TNRC18: variants seen among roughly 807,000 people sequenced by gnomAD.
TNRC18 encodes trinucleotide repeat containing 18.
A neutral mutation model predicts 226.7 loss-of-function variants in TNRC18; 69 were observed. The observed-to-expected ratio is 0.30, with a 90% CI of 0.25 to 0.37. TNRC18 has a LOEUF of 0.37. Ranked by LOEUF, TNRC18 falls within the 10% of genes least tolerant of loss-of-function variation. The probability of loss-of-function intolerance (pLI) is 1.00; values close to 1 mark genes in which losing one functional copy is unlikely to be tolerated. For missense variants in TNRC18, 4,754 were observed against 4,256.6 expected, an observed-to-expected ratio of 1.12 and a Z score of -3.25; for synonymous variants, 2,449 against 1,927.6, an observed-to-expected ratio of 1.27 and a Z score of -7.09.
Position 5,307,967 on chromosome 7 carries a change from C to A in TNRC18, c.*139G>T. 1 of 746,952 alleles carries A rather than the reference C, an allele frequency of 1.3e-6. No individual in the cohort carries two copies. Among genetic ancestry groups the A allele is most frequent in the Non-Finnish European group, 2.2e-6 (1 of 461,890 alleles). The allele number at this position is 746,952 out of a possible 1,614,324, so 46.3% of individuals were successfully genotyped here. On this transcript the variant is annotated 3_prime_UTR_variant, in exon 30 of 30. Coordinates refer to ENST00000430969, the MANE Select transcript of TNRC18 (RefSeq NM_001080495.3). ...GCACACACACTCACCCGGGCATCCA[C>A]GTGCACACCTGGCCCCATGCACACG... is the stretch of plus-strand genomic sequence containing the variant.
chr7:5,356,794 C>T, intron 16 of TNRC18, 122 bp downstream of exon 16: 1 of 1,366,534 alleles, frequency 7.3e-7, no homozygotes, highest in African/African-American at 1.5e-5. Context: ...TAGTGCGCCC[C>T]AGAGAGAGAG....
rs1433862194 is a variant in TNRC18, at chr7:5,309,489, G to A, written c.8389-121C>T. 4.3e-5 allele frequency: 34 copies of A among 791,222 alleles called. No individual in the cohort carries two copies. The highest frequency in any genetic ancestry group is 7.0e-5 in the African/African-American group (4 of 57,226). The allele number at this position is 791,222 out of a possible 1,614,324, so 49.0% of individuals were successfully genotyped here. On this transcript the variant is annotated intron_variant, in intron 27 of 29. Coordinates refer to ENST00000430969, the MANE Select transcript of TNRC18 (RefSeq NM_001080495.3). The surrounding 1 kb of genome is among the most constrained non-coding windows in gnomAD (Gnocchi z 5.7). ...CCTCTAAATCAACCCCTATCCAACTGTGGGGAGATGAGGAAGCTCCTTGTC... is the reference window on the plus strand; with the variant it reads ...CCTCTAAATCAACCCCTATCCAACTATGGGGAGATGAGGAAGCTCCTTGTC...
intron 21 of TNRC18, among the ~76,000 whole-genome samples, chr7:5,321,970 CTCTT>C (rs1348178848): frequency 6.6e-6 from 1 of 151,888 alleles, no homozygotes; most frequent in Non-Finnish European, 1.5e-5. Context: ...CGTGCCCGGC[CTCTT>C]TCTTTTTTTT....
rs1262954046 is a variant in TNRC18 at position 5,307,571 on chromosome 7, G to T, written c.*535C>A. 6.7e-6 allele frequency: 3 copies of T among 449,754 alleles called. No individual in the cohort carries two copies. The East Asian group carries it at 2.1e-4, about 32-fold the overall frequency. 27.9% of individuals were successfully genotyped at this position (449,754 alleles called of 1,614,324 possible). On this transcript the variant is annotated 3_prime_UTR_variant, in exon 30 of 30. Transcript: ENST00000430969. ...TCCCCAAGTCTAGGCCATCCTGAGA[G>T]GGTGGGGGCAGGGCCCCTGGCACAG...
chr7:5,344,872 G>A (rs957264221), intron 18 of TNRC18, among the ~76,000 whole-genome samples: 6 of 152,186 alleles, frequency 3.9e-5, no homozygotes, highest in Non-Finnish European at 7.3e-5. Flanking sequence ...GGGCCCTGAT[G>A]CAGGGAAACA....
Position 5,387,869 on chromosome 7 carries a change from T to G in TNRC18, c.1955A>C (p.Lys652Thr). The G allele has an allele frequency of 6.3e-7, 1 of 1,597,064 alleles. No homozygotes were observed. Among genetic ancestry groups the G allele is most frequent in the Non-Finnish European group, 8.5e-7 (1 of 1,174,496 alleles). The change falls in exon 5 of 30, where the codon AAG becomes ACG. Residue 652 changes from lysine (K) to threonine (T), a missense_variant. Transcript: ENST00000430969. Reference sequence around the variant, plus strand: ...GCTCTCGGGCCTCTCGGGGTCCCGCTTCAGCTGCCGGCCGCCGCCCGCTGC... The same window carrying G: ...GCTCTCGGGCCTCTCGGGGTCCCGCGTCAGCTGCCGGCCGCCGCCCGCTGC... ...GPAAGGGRQL[K>T]RDPERPESAK...
In TNRC18 at chr7:5,313,913, A is replaced by G. The variant is rs368956790; in HGVS notation, c.7028-50T>C. 6.3e-6 allele frequency: 9 copies of G among 1,417,968 alleles called. No homozygotes were observed. In the South Asian group the frequency reaches 1.1e-4, roughly 17 times the overall value. The allele number at this position is 1,417,968 out of a possible 1,614,324, so 87.8% of individuals were successfully genotyped here. A position where few individuals can be genotyped will look rare whatever the true frequency, so the allele number is the denominator to read the frequency against. On this transcript the variant is annotated intron_variant, in intron 26 of 29. Transcript: ENST00000430969. Reference sequence around the variant, plus strand: ...CTGGGGCGGGGGCTTCCTGGCAGAGATGAGCTGTGGCTTTTATCAGAAAGG... The same window carrying G: ...CTGGGGCGGGGGCTTCCTGGCAGAGGTGAGCTGTGGCTTTTATCAGAAAGG...
At chr7:5,362,597 C>G in intron 12 of TNRC18, 53 bp downstream of exon 12, 1 of 1,471,576 alleles carries the variant, frequency 6.8e-7, no homozygotes, top group Non-Finnish European at 9.1e-7. Flanking sequence ...ACAGAGGGGC[C>G]TCCCACCCAG....
At chr7:5,319,943 G>A (rs146995097) in intron 24 of TNRC18, among the ~76,000 whole-genome samples, 3,062 of 152,294 alleles carry the variant, frequency 0.02, 48 homozygotes, top group Middle Eastern at 0.037. Flanking sequence ...AGGCCCGGTC[G>A]ATCAGACTCA....
At chr7:5,320,701 G>T in intron 22 of TNRC18, 94 bp from the exon 23 acceptor site, 2 of 1,043,822 alleles carry the variant, frequency 1.9e-6, no homozygotes, top group Non-Finnish European at 2.8e-6. Context: ...TAGACCACTG[G>T]GAGGTAACAC....
chr7:5,383,506 C>T (rs1214256527), intron 5 of TNRC18, among the ~76,000 whole-genome samples: 1 of 152,232 alleles, frequency 6.6e-6, no homozygotes, highest in Non-Finnish European at 1.5e-5. Flanking sequence ...GGGCTCGAGG[C>T]TCTTGTTCAA....
chr7:5,401,913 C>T (rs925691697), intron 2 of TNRC18, among the ~76,000 whole-genome samples: 22 of 152,088 alleles, frequency 1.4e-4, no homozygotes, highest in South Asian at 4.1e-4. Flanking sequence ...TGGTGGCTCA[C>T]ACCTGTAATC....
In TNRC18 at chr7:5,371,357, C is replaced by T. The variant is rs1035046010; in HGVS notation, c.3237G>A (p.Pro1079=). The change falls in exon 11 of 30, where the codon CCG becomes CCA. Residue 1079 remains proline, a synonymous_variant. Transcript: ENST00000430969. ...GCAGGGCTTGGAACGGGTACCTGGG[C>T]GGGATATCTGCCAAGGACACAGGGG... ...SPFQALFSDI[P]PRYPFQALPP... 11 of 1,507,810 alleles carry T rather than the reference C, an allele frequency of 7.3e-6. No homozygotes were observed. The highest frequency in any genetic ancestry group is 2.8e-5 in the African/African-American group (2 of 71,980). The allele number at this position is 1,507,810 out of a possible 1,614,324, so 93.4% of individuals were successfully genotyped here.
intron 16 of TNRC18, among the ~76,000 whole-genome samples, chr7:5,355,539 G>T (rs1792271992): frequency 6.6e-6 from 1 of 152,164 alleles, no homozygotes; most frequent in East Asian, 1.9e-4. Context: ...CTTGCTTAAG[G>T]CCAGGAGTTC....
chr7:5,421,153 C>A lies in TNRC18; in HGVS notation c.94G>T (p.Ala32Ser), dbSNP rs1782560340. The change falls in exon 2 of 30, where the codon GCG becomes TCG. Residue 32 changes from alanine (A) to serine (S), a missense_variant. By Grantham distance (99) the Ala-to-Ser change is moderately conservative. Transcript: ENST00000430969. Reference sequence around the variant, plus strand: ...GCGGGCAAGCGTCCGGCAGTGGCCGCGCCCACGCGGTGGCTGTCCATGGCC... The same window carrying A: ...GCGGGCAAGCGTCCGGCAGTGGCCGAGCCCACGCGGTGGCTGTCCATGGCC... ...GLAMDSHRVGAATAGRLPASG... is the reference protein window; with the variant it reads ...GLAMDSHRVGSATAGRLPASG... 5 of 1,426,886 alleles carry A rather than the reference C, an allele frequency of 3.5e-6. No individual in the cohort carries two copies. In the South Asian group the frequency reaches 7.6e-5, roughly 22 times the overall value. 88.4% of individuals were successfully genotyped at this position (1,426,886 alleles called of 1,614,324 possible).
rs934549369 is a variant in TNRC18 at position 5,325,226 on chromosome 7, C to G, written c.6170G>C (p.Gly2057Ala). The change falls in exon 20 of 30, where the codon GGG (glycine) becomes GCG (alanine). Residue 2057 changes from glycine (G) to alanine (A), a missense_variant. Transcript: ENST00000430969. Reference protein sequence around the residue: ...PRKKKKGKEAGPGAGLPPPRA... With the variant: ...PRKKKKGKEAAPGAGLPPPRA... Reference sequence around the variant, plus strand: ...GGGCGGCGGCAGCCCAGCTCCTGGCCCAGCCTCTTTCCCTTTCTTCTTCTG... The same window carrying G: ...GGGCGGCGGCAGCCCAGCTCCTGGCGCAGCCTCTTTCCCTTTCTTCTTCTG... 37 of 1,553,750 alleles carry G rather than the reference C, an allele frequency of 2.4e-5. No homozygotes were observed. The highest frequency in any genetic ancestry group is 2.9e-5 in the Non-Finnish European group (33 of 1,153,166).
chr7:5,421,815 G>A (rs4415229), intron 1 of TNRC18, among the ~76,000 whole-genome samples: 150,207 of 152,366 alleles, frequency 0.99, 74,056 homozygotes, highest in East Asian at 1. Context: ...GCGCCCAGAC[G>A]GCGTAAATAC....
chr7:5,308,028 G>T lies in TNRC18; in HGVS notation c.*78C>A. The T allele has an allele frequency of 7.3e-7, 1 of 1,365,998 alleles. No individual in the cohort carries two copies. The highest frequency in any genetic ancestry group is 1.4e-5 in the African/African-American group (1 of 69,558). The allele number at this position is 1,365,998 out of a possible 1,614,324, so 84.6% of individuals were successfully genotyped here. A position where few individuals can be genotyped will look rare whatever the true frequency, so the allele number is the denominator to read the frequency against. On this transcript the variant is annotated 3_prime_UTR_variant, in exon 30 of 30. Coordinates refer to ENST00000430969, the MANE Select transcript of TNRC18 (RefSeq NM_001080495.3). ...CGCTCGCATGCACACAACGCACGTG[G>T]TCTCCGCGCCATGGCAGTGATGGAG...
At chr7:5,355,870 C>T (rs1204849774) in intron 16 of TNRC18, among the ~76,000 whole-genome samples, 1 of 151,108 alleles carries the variant, frequency 6.6e-6, no homozygotes, top group Non-Finnish European at 1.5e-5. Flanking sequence ...AAGAAGAGAC[C>T]CTGTCTCAAA....
Sources: gnomAD v4.1 joint callset for allele counts (sites outside exome capture counted in the v4.1 genomes callset) on GRCh38, gnomAD v4.1.1 for gene constraint, Gnocchi (gnomAD v3.1) non-coding constraint, MANE v1.5 for transcripts, NCBI Gene and HGNC (gene_info 2026-07-23, HGNC 2026-07-21) for gene names.